KIF2A: variants seen among roughly 807,000 people sequenced by gnomAD.
KIF2A encodes kinesin-like protein KIF2A.
KIF2A carries 22 observed loss-of-function variants against 100.2 expected under a neutral mutation model. That is an observed-to-expected ratio of 0.22 (90% CI 0.16 to 0.31). KIF2A has a LOEUF of 0.31. Ranked by LOEUF, KIF2A falls within the 10% of genes least tolerant of loss-of-function variation. The pLI is 1.00. For missense variants in KIF2A, 495 were observed against 898.7 expected, an observed-to-expected ratio of 0.55 and a Z score of 5.74; for synonymous variants, 268 against 285.9, an observed-to-expected ratio of 0.94 and a Z score of 0.63.
At position 62,387,681 on chromosome 5, in the gene KIF2A, T is replaced by G. The variant is rs548300378; in HGVS notation, c.*2112T>G. On this transcript the variant is annotated 3_prime_UTR_variant, in exon 21 of 21. Transcript: ENST00000407818. ...AGAAAGCCGAGTTAAATCTTAAAAT[T>G]TTTACTATAAGGATAGAGATGATAC... is the stretch of plus-strand genomic sequence containing the variant. The G allele has an allele frequency of 2.0e-5, 3 of 152,206 alleles. No homozygotes were observed. The highest frequency in any genetic ancestry group is 7.2e-5 in the African/African-American group (3 of 41,552). The allele number at this position is 152,206 out of a possible 1,614,324, so 9.4% of individuals were successfully genotyped here. A position where few individuals can be genotyped will look rare whatever the true frequency, so the allele number is the denominator to read the frequency against.
intron 3 of KIF2A, among the ~76,000 whole-genome samples, chr5:62,349,823 G>A (rs1254602743): frequency 1.3e-5 from 2 of 152,154 alleles, no homozygotes; most frequent in Admixed American, 1.3e-4. Context: ...TGTGAAGAAA[G>A]TCCTTAGATC....
intron 6 of KIF2A, among the ~76,000 whole-genome samples, chr5:62,353,724 G>A (rs1747965899): frequency 6.6e-6 from 1 of 152,078 alleles, no homozygotes; most frequent in Non-Finnish European, 1.5e-5. Context: ...CAGTTAAAGT[G>A]CATGATTAAA....
chr5:62,364,950 A>G (rs1387361914), intron 14 of KIF2A, among the ~76,000 whole-genome samples: 9 of 152,164 alleles, frequency 5.9e-5, no homozygotes, highest in African/African-American at 2.2e-4. Context: ...AAAAACAGCC[A>G]GTCGTGGTAG....
At chr5:62,339,972 C>G (rs959863062) in intron 1 of KIF2A, among the ~76,000 whole-genome samples, 2 of 129,340 alleles carry the variant, frequency 1.5e-5, no homozygotes, top group Non-Finnish European at 3.2e-5. Context: ...GAATTTTGCT[C>G]TTATTGTCCA....
intron 16 of KIF2A, among the ~76,000 whole-genome samples, chr5:62,371,306 T>G (rs1397411997): frequency 6.6e-6 from 1 of 152,090 alleles, no homozygotes; most frequent in Non-Finnish European, 1.5e-5. Context: ...TAAATAAACT[T>G]TAAGGATAAA....
chr5:62,341,532 G>C lies in KIF2A; in HGVS notation c.65-5598G>C, dbSNP rs1373384091. On this transcript the variant is annotated intron_variant, in intron 1 of 20. Transcript: ENST00000407818. ...TGCCAACCTAGTCTCAAACTCCTGGGCTCAAGCCATCCTCCTGCTTCTGCC... is the reference window on the plus strand; with the variant it reads ...TGCCAACCTAGTCTCAAACTCCTGGCCTCAAGCCATCCTCCTGCTTCTGCC... 3.7e-4 allele frequency among the ~76,000 whole-genome samples: 57 copies of C among 152,054 alleles called. 1 individual carries two copies. The highest frequency in any genetic ancestry group is 1.5e-5 in the Non-Finnish European group (1 of 67,992).
intron 1 of KIF2A, chr5:62,306,841 A>C: frequency 5.3e-6 from 2 of 374,576 alleles, no homozygotes; most frequent in Non-Finnish European, 4.8e-6. Flanking sequence ...TCCTCCCGCA[A>C]TCTCCAGCCC....
Position 62,373,934 on chromosome 5 carries a change from T to G in KIF2A, c.1911+97T>G, listed in dbSNP as rs1017211485. 3 of 984,222 alleles carry G rather than the reference T, an allele frequency of 3.0e-6. No individual in the cohort carries two copies. The African/African-American group carries it at 4.8e-5, about 16-fold the overall frequency. The allele number at this position is 984,222 out of a possible 1,614,324, so 61.0% of individuals were successfully genotyped here. On this transcript the variant is annotated intron_variant, in intron 18 of 20. Coordinates refer to ENST00000407818, the MANE Select transcript of KIF2A (RefSeq NM_001098511.3). ...ATCATTTAAATGAGGTGTCAGGCTG[T>G]GGGTGTGGTGGCTCAAGCTTGTAAT...
At chr5:62,347,060 T>A in intron 1 of KIF2A, 70 bp from the exon 2 acceptor site, 2 of 781,568 alleles carry the variant, frequency 2.6e-6, no homozygotes, top group East Asian at 5.7e-5. Context: ...GTTATAAAAT[T>A]GTATTTCACA....
intron 16 of KIF2A, among the ~76,000 whole-genome samples, chr5:62,366,724 G>A (rs1437239563): frequency 3.3e-5 from 5 of 151,950 alleles, no homozygotes; most frequent in Admixed American, 2.6e-4. Context: ...CCAGCTACTC[G>A]GGAAGCTGAG....
intron 20 of KIF2A, among the ~76,000 whole-genome samples, chr5:62,382,632 A>C (rs1048927038): frequency 1.4e-5 from 2 of 140,458 alleles, no homozygotes; most frequent in African/African-American, 5.3e-5. Context: ...TTCAGGTTTC[A>C]GGTTTTTTTT....
Position 62,306,409 on chromosome 5 carries a change from T to G in KIF2A, c.-64T>G, listed in dbSNP as rs878874940. On this transcript the variant is annotated 5_prime_UTR_variant, in exon 1 of 21. Transcript: ENST00000407818. ...CCCCTCCCACACCTACCCCGCCCCC[T>G]CCCCGCCTTTTCCGCCCTCCGGTCC... 7 of 158,854 alleles carry G rather than the reference T, an allele frequency of 4.4e-5. No homozygotes were observed. The highest frequency in any genetic ancestry group is 8.4e-5 in the Non-Finnish European group (7 of 82,880). The allele number at this position is 158,854 out of a possible 1,614,324, so 9.8% of individuals were successfully genotyped here.
At chr5:62,371,255 A>G (rs1197734638) in intron 16 of KIF2A, among the ~76,000 whole-genome samples, 3 of 152,100 alleles carry the variant, frequency 2.0e-5, no homozygotes, top group Non-Finnish European at 4.4e-5. Context: ...CCTTATCTCA[A>G]AAAGGAAAAA....
intron 16 of KIF2A, among the ~76,000 whole-genome samples, chr5:62,369,072 A>G (rs1410264507): frequency 1.3e-5 from 2 of 152,230 alleles, no homozygotes; most frequent in African/African-American, 4.8e-5. Context: ...ATTTGAAACT[A>G]CAAAAGATTC....
chr5:62,383,215 C>A (rs1470172802), intron 20 of KIF2A, among the ~76,000 whole-genome samples: 1 of 147,852 alleles, frequency 6.8e-6, no homozygotes, highest in South Asian at 2.1e-4. Context: ...GCATGAGCCA[C>A]CATGCCTGGC....
At chr5:62,315,249 CAAA>C (rs765995590) in intron 1 of KIF2A, among the ~76,000 whole-genome samples, 10 of 66,536 alleles carry the variant, frequency 1.5e-4, no homozygotes, top group African/African-American at 3.8e-4. Flanking sequence ...AAAAACAGAC[CAAA>C]AAAAAAAAAA....
intron 15 of KIF2A, among the ~76,000 whole-genome samples, chr5:62,366,014 A>G (rs1187973636): frequency 6.6e-6 from 1 of 151,978 alleles, no homozygotes; most frequent in Non-Finnish European, 1.5e-5. Flanking sequence ...CTCCCAAACT[A>G]TATCCTTTCA....
intron 1 of KIF2A, among the ~76,000 whole-genome samples, chr5:62,315,249 C>CAAA (rs765995590): frequency 1.2e-4 from 8 of 66,506 alleles, no homozygotes; most frequent in Admixed American, 1.8e-4. Context: ...AAAAACAGAC[C>CAAA]AAAAAAAAAA....
chr5:62,322,655 T>A (rs1746156285), intron 1 of KIF2A, among the ~76,000 whole-genome samples: 1 of 152,098 alleles, frequency 6.6e-6, no homozygotes, highest in Non-Finnish European at 1.5e-5. Context: ...GCAACTCTAG[T>A]CTCAAAGTCA....
Sources: allele counts gnomAD v4.1 joint callset (sites outside exome capture counted in the v4.1 genomes callset), GRCh38; gene constraint gnomAD v4.1.1; transcripts MANE v1.5; gene names NCBI Gene and HGNC (gene_info 2026-07-23, HGNC 2026-07-21).